TRABD2B: variants seen among roughly 807,000 people sequenced by gnomAD.
TRABD2B encodes metalloprotease TIKI2.
TRABD2B carries 14 observed loss-of-function variants against 40.1 expected under a neutral mutation model. That is an observed-to-expected ratio of 0.35 (90% CI 0.23 to 0.55). TRABD2B has a LOEUF of 0.55. TRABD2B is among the 20% of genes least tolerant of loss of function. The pLI is 0.90. For synonymous variants in TRABD2B, 263 were observed against 277.0 expected (o/e 0.95, Z 0.50); for missense variants, 541 against 648.6 (o/e 0.83, Z 1.80).
chr1:47,828,836 C>T (rs892341911), intron 2 of TRABD2B, among the ~76,000 whole-genome samples: 1 of 152,210 alleles, frequency 6.6e-6, no homozygotes, highest in African/African-American at 2.4e-5. Flanking sequence ...TGACAGGTGC[C>T]ACCTAGAGCG....
Position 47,994,739 on chromosome 1 carries a change from G to C in TRABD2B, c.103-142C>G. The stretch of plus-strand genomic sequence containing the variant: ...GCCGTGGTAAAGAGCCAGGTCTTTG[G>C]AGCCTGAAAGACCCACATTGAAAAC... On this transcript the variant is annotated intron_variant, in intron 1 of 6. Transcript: ENST00000606738. This position sits in a 1 kb window ranked among gnomAD's most constrained non-coding sequence, Gnocchi z 6.7. The C allele has an allele frequency of 1.4e-6, 1 of 705,656 alleles. No homozygotes were observed. Among genetic ancestry groups the C allele is most frequent in the Non-Finnish European group, 2.3e-6 (1 of 433,488 alleles). The allele number at this position is 705,656 out of a possible 1,614,324, so 43.7% of individuals were successfully genotyped here.
In TRABD2B at chr1:47,766,123, A is replaced by G. The variant is rs765665810; in HGVS notation, c.1350-17T>C. 7 of 701,532 alleles carry G rather than the reference A, an allele frequency of 1.0e-5. No homozygotes were observed. Among genetic ancestry groups the G allele is most frequent in the Non-Finnish European group, 1.8e-5 (7 of 384,612 alleles). The allele number at this position is 701,532 out of a possible 1,614,324, so 43.5% of individuals were successfully genotyped here. Reference sequence around the variant, plus strand: ...GCGGTGGTGCTGGAAAGGAGGAAGCACATGGCAGAGTCACCATCGGCAGCC... The same window carrying G: ...GCGGTGGTGCTGGAAAGGAGGAAGCGCATGGCAGAGTCACCATCGGCAGCC... On this transcript the variant is annotated splice_polypyrimidine_tract_variant and intron_variant, in intron 6 of 6. Coordinates refer to ENST00000606738, the MANE Select transcript of TRABD2B (RefSeq NM_001194986.2).
intron 3 of TRABD2B, among the ~76,000 whole-genome samples, chr1:47,798,696 CCT>C (rs1254268891): frequency 6.6e-6 from 1 of 152,214 alleles, no homozygotes; most frequent in Non-Finnish European, 1.5e-5. Context: ...CTCAGCATCC[CCT>C]CTTTACCCCC....
At chr1:47,771,927 C>T (rs1191694810) in intron 6 of TRABD2B, among the ~76,000 whole-genome samples, 3 of 152,184 alleles carry the variant, frequency 2.0e-5, no homozygotes, top group Admixed American at 6.5e-5. Flanking sequence ...CCCTGGCTCA[C>T]TCCCTCCTTC....
intron 2 of TRABD2B, among the ~76,000 whole-genome samples, chr1:47,826,030 A>G (rs552003537): frequency 6.6e-6 from 1 of 152,322 alleles, no homozygotes; most frequent in East Asian, 1.9e-4. Flanking sequence ...CATGCCTGGC[A>G]GATGATAGAT....
At chr1:47,866,181 T>C (rs564021322) in intron 2 of TRABD2B, among the ~76,000 whole-genome samples, 2 of 151,834 alleles carry the variant, frequency 1.3e-5, no homozygotes, top group South Asian at 2.1e-4. Context: ...AGCCTCGGCA[T>C]ATAAAACATC....
intron 2 of TRABD2B, among the ~76,000 whole-genome samples, chr1:47,942,936 T>G (rs1395307188): frequency 6.6e-6 from 1 of 152,220 alleles, no homozygotes; most frequent in Non-Finnish European, 1.5e-5. Context: ...TTCTAAGTAT[T>G]TTAGTTGTTA....
intron 2 of TRABD2B, among the ~76,000 whole-genome samples, chr1:47,804,914 G>A (rs1347076653): frequency 1.3e-5 from 2 of 152,218 alleles, no homozygotes; most frequent in African/African-American, 2.4e-5. Flanking sequence ...TTGATGTAAG[G>A]GAGGCAGGCG....
chr1:47,834,562 A>AAC (rs1180009571), intron 2 of TRABD2B, among the ~76,000 whole-genome samples: 6 of 136,424 alleles, frequency 4.4e-5, no homozygotes, highest in Admixed American at 7.5e-5. Flanking sequence ...GATGTGCTCC[A>AAC]ACACACACAC....
intron 2 of TRABD2B, among the ~76,000 whole-genome samples, chr1:47,963,352 G>A (rs1298472035): frequency 6.6e-6 from 1 of 152,210 alleles, no homozygotes; most frequent in East Asian, 1.9e-4. Context: ...GTGGTGAACA[G>A]AGAGACCAGC....
intron 2 of TRABD2B, among the ~76,000 whole-genome samples, chr1:47,861,227 C>T (rs902003442): frequency 2.0e-5 from 3 of 151,526 alleles, no homozygotes; most frequent in Non-Finnish European, 2.9e-5. Flanking sequence ...TTTCCCATCC[C>T]GAGGAGACAT....
chr1:47,773,277 A>C (rs1644400213), intron 6 of TRABD2B, among the ~76,000 whole-genome samples: 1 of 152,058 alleles, frequency 6.6e-6, no homozygotes, highest in Non-Finnish European at 1.5e-5. Flanking sequence ...CCACTGACGA[A>C]AGTGGCTCTC....
chr1:47,834,577 G>GCACACACACACACACACACACA (rs1553156380), intron 2 of TRABD2B, among the ~76,000 whole-genome samples: 2 of 142,376 alleles, frequency 1.4e-5, no homozygotes, highest in African/African-American at 5.0e-5. Flanking sequence ...ACACACACAC[G>GCACACACACACACACACACACA]CGCACACACA....
At chr1:47,953,147 A>G (rs905385243) in intron 2 of TRABD2B, among the ~76,000 whole-genome samples, 6 of 152,208 alleles carry the variant, frequency 3.9e-5, no homozygotes, top group African/African-American at 1.4e-4. Context: ...AGGACTGCCC[A>G]GCCCAAGCAG....
At chr1:47,810,417 G>A (rs1398494207) in intron 2 of TRABD2B, among the ~76,000 whole-genome samples, 1 of 152,106 alleles carries the variant, frequency 6.6e-6, no homozygotes, top group African/African-American at 2.4e-5. Flanking sequence ...GTTGCAATGA[G>A]AGGTGACATT....
intron 2 of TRABD2B, among the ~76,000 whole-genome samples, chr1:47,961,672 C>G (rs538234895): frequency 6.6e-6 from 1 of 152,290 alleles, no homozygotes; most frequent in Non-Finnish European, 1.5e-5. Flanking sequence ...GATACCATCT[C>G]ACACCAGTTA....
intron 2 of TRABD2B, among the ~76,000 whole-genome samples, chr1:47,847,761 G>A (rs747284833): frequency 1.2e-4 from 18 of 152,210 alleles, no homozygotes; most frequent in Non-Finnish European, 2.2e-4. Flanking sequence ...AAAATCATAC[G>A]AAAGAAATTA....
chr1:47,947,473 T>G (rs1468457640), intron 2 of TRABD2B, among the ~76,000 whole-genome samples: 1 of 152,058 alleles, frequency 6.6e-6, no homozygotes, highest in East Asian at 1.9e-4. Context: ...CAAAGCAGCT[T>G]TGCAGAGTGC....
At chr1:47,860,510 G>C (rs950897913) in intron 2 of TRABD2B, among the ~76,000 whole-genome samples, 1 of 152,148 alleles carries the variant, frequency 6.6e-6, no homozygotes, top group Non-Finnish European at 1.5e-5. Context: ...GGTCCCAGGT[G>C]CCAAATCCCT....
Sources: allele counts gnomAD v4.1 joint callset (sites outside exome capture counted in the v4.1 genomes callset), GRCh38; gene constraint gnomAD v4.1.1; non-coding constraint Gnocchi (gnomAD v3.1); transcripts MANE v1.5; gene names NCBI Gene and HGNC (gene_info 2026-07-23, HGNC 2026-07-21).